Variants in XKR9 observed in about 807,000 individuals in gnomAD.
The protein encoded by XKR9 is XK-related protein 9.
Under a neutral mutation model 32.0 loss-of-function variants are expected in XKR9, and 32 were observed. The ratio of observed to expected loss-of-function variants is 1.00; its 90% confidence interval spans 0.76 to 1.34. The LOEUF is 1.34. Ranked by LOEUF, XKR9 falls within the 40% of genes most tolerant of loss-of-function variation. The pLI is 0.00. For synonymous variants in XKR9, 168 were observed against 143.4 expected, an observed-to-expected ratio of 1.17 and a Z score of -1.22; for missense variants, 546 against 429.7, an observed-to-expected ratio of 1.27 and a Z score of -2.39.
intron 2 of XKR9, among the ~76,000 whole-genome samples, chr8:70,781,931 G>C (rs1192368991): frequency 6.6e-6 from 1 of 152,156 alleles, no homozygotes; most frequent in Non-Finnish European, 1.5e-5. Context: ...TTTACACTAT[G>C]GATTTAGGAA....
At chr8:70,741,978 C>G (rs1175493233) in intron 2 of XKR9, among the ~76,000 whole-genome samples, 1 of 136,724 alleles carries the variant, frequency 7.3e-6, no homozygotes, top group African/African-American at 2.7e-5. Context: ...TTTTTTTTTT[C>G]TTTTGATAAT....
chr8:70,998,629 G>A, the XKR9 span, among the ~76,000 whole-genome samples: 270 of 152,278 alleles, frequency 1.8e-3, no homozygotes, highest in Non-Finnish European at 2.9e-3. Context: ...TCTCAAACTT[G>A]TTTGTGAACA....
At chr8:70,744,073 G>T (rs1414438366) in intron 2 of XKR9, among the ~76,000 whole-genome samples, 5 of 152,032 alleles carry the variant, frequency 3.3e-5, no homozygotes, top group Non-Finnish European at 7.4e-5. Context: ...CACTTTGGGA[G>T]GCTGAGGCGG....
the XKR9 span, among the ~76,000 whole-genome samples, chr8:71,059,842 A>G: frequency 6.6e-6 from 1 of 152,020 alleles, no homozygotes; most frequent in Non-Finnish European, 1.5e-5. Flanking sequence ...GCATTTTAAA[A>G]CTTGCTTTGG....
chr8:70,831,693 C>G, the XKR9 span, among the ~76,000 whole-genome samples: 2 of 152,044 alleles, frequency 1.3e-5, no homozygotes, highest in Non-Finnish European at 2.9e-5. Flanking sequence ...ATTCAGATTT[C>G]ATAGATGTTT....
chr8:71,019,492 A>G, the XKR9 span, among the ~76,000 whole-genome samples: 4 of 152,340 alleles, frequency 2.6e-5, no homozygotes, highest in African/African-American at 9.6e-5. Context: ...TCACACCAGC[A>G]GGTCAGTTGA....
chr8:70,984,554 C>G, the XKR9 span, among the ~76,000 whole-genome samples: 71 of 152,310 alleles, frequency 4.7e-4, no homozygotes, highest in African/African-American at 1.6e-3. Context: ...TGCTGCAACA[C>G]AAATGCCTCT....
At chr8:70,879,456 TA>T in the XKR9 span, among the ~76,000 whole-genome samples, 2 of 151,634 alleles carry the variant, frequency 1.3e-5, no homozygotes, top group Non-Finnish European at 2.9e-5. Flanking sequence ...ATAGACAAAA[TA>T]AAAAATGATA....
chr8:70,832,827 A>G, the XKR9 span, among the ~76,000 whole-genome samples: 1 of 152,204 alleles, frequency 6.6e-6, no homozygotes, highest in African/African-American at 2.4e-5. Context: ...TGATTTGTCA[A>G]TATTTACTTG....
At chr8:70,685,857 A>C (rs199614312) in intron 3 of XKR9, among the ~76,000 whole-genome samples, 18 of 150,258 alleles carry the variant, frequency 1.2e-4, no homozygotes, top group South Asian at 2.1e-4. Flanking sequence ...CATATTGTGC[A>C]CATGTACTCT....
At chr8:70,888,041 T>C in the XKR9 span, among the ~76,000 whole-genome samples, 1 of 152,136 alleles carries the variant, frequency 6.6e-6, no homozygotes, top group Admixed American at 6.5e-5. Context: ...GCCCATTCAG[T>C]ATGATATTGG....
chr8:70,750,204 A>G (rs931376675), intron 2 of XKR9, among the ~76,000 whole-genome samples: 1 of 152,238 alleles, frequency 6.6e-6, no homozygotes, highest in Non-Finnish European at 1.5e-5. Flanking sequence ...CTTGCTAACT[A>G]GAAATATGAG....
chr8:70,816,432 T>C, the XKR9 span, among the ~76,000 whole-genome samples: 1 of 152,230 alleles, frequency 6.6e-6, no homozygotes, highest in Admixed American at 6.5e-5. Context: ...AAAATATATC[T>C]GGTTCTGTAT....
At chr8:70,847,111 A>T in the XKR9 span, among the ~76,000 whole-genome samples, 1 of 152,034 alleles carries the variant, frequency 6.6e-6, no homozygotes, top group Non-Finnish European at 1.5e-5. Context: ...AGTCTCAAAA[A>T]TTTTTTAAAA....
the XKR9 span, among the ~76,000 whole-genome samples, chr8:70,851,160 C>A: frequency 6.6e-6 from 1 of 152,150 alleles, no homozygotes; most frequent in Non-Finnish European, 1.5e-5. Flanking sequence ...GGAGGCAAAT[C>A]ATGAGTGAAC....
At chr8:70,996,349 T>C in the XKR9 span, among the ~76,000 whole-genome samples, 1 of 152,200 alleles carries the variant, frequency 6.6e-6, no homozygotes, top group African/African-American at 2.4e-5. Context: ...TTAAAGAATA[T>C]TTGAACAACT....
At chr8:70,935,208 T>TAC in the XKR9 span, among the ~76,000 whole-genome samples, 725 of 145,472 alleles carry the variant, frequency 5.0e-3, 17 homozygotes, top group Admixed American at 0.029. Context: ...TATACATATA[T>TAC]ACACACACAC....
At chr8:70,870,334 C>T in the XKR9 span, among the ~76,000 whole-genome samples, 1 of 152,280 alleles carries the variant, frequency 6.6e-6, no homozygotes, top group African/African-American at 2.4e-5. Context: ...AATTTCATGG[C>T]ATCAATATTA....
chr8:70,802,818 C>T, the XKR9 span, among the ~76,000 whole-genome samples: 1 of 152,154 alleles, frequency 6.6e-6, no homozygotes, highest in Non-Finnish European at 1.5e-5. Context: ...TCTGCTAAAG[C>T]TCTGCTGTTA....
Sources: allele counts gnomAD v4.1 joint callset (sites outside exome capture counted in the v4.1 genomes callset), GRCh38; gene constraint gnomAD v4.1.1; transcripts MANE v1.5; gene names NCBI Gene and HGNC (gene_info 2026-07-23, HGNC 2026-07-21).